SETD2: variants seen among roughly 807,000 people sequenced by gnomAD.
SETD2 encodes histone-lysine N-methyltransferase SETD2.
SETD2 carries 31 observed loss-of-function variants against 242.1 expected under a neutral mutation model. That is an observed-to-expected ratio of 0.13 (90% CI 0.10 to 0.17). The LOEUF is 0.17. Ranked by LOEUF, SETD2 falls within the 10% of genes least tolerant of loss-of-function variation. SETD2 has a pLI of 1.00. For synonymous variants in SETD2, 1,006 were observed against 1,066.5 expected (o/e 0.94, Z 1.11); for missense variants, 2,481 against 3,046.3 (o/e 0.81, Z 4.37).
intron 1 of SETD2, among the ~76,000 whole-genome samples, chr3:47,159,245 C>T (rs2106850696): frequency 6.6e-6 from 1 of 152,294 alleles, no homozygotes; most frequent in South Asian, 2.1e-4. Flanking sequence ...CAGACCTTTC[C>T]CCTGAACTTC....
chr3:47,017,727 T>A lies in SETD2; in HGVS notation c.7444A>T (p.Ile2482Phe), dbSNP rs761150552. 1 of 1,613,256 alleles carries A rather than the reference T, an allele frequency of 6.2e-7. No homozygotes were observed. Among genetic ancestry groups the A allele is most frequent in the South Asian group, 1.1e-5 (1 of 91,078 alleles). The change falls in exon 20 of 21, where the codon ATC (isoleucine) becomes TTC (phenylalanine). Residue 2482 changes from isoleucine (I) to phenylalanine (F), a missense_variant. Coordinates refer to ENST00000409792, the MANE Select transcript of SETD2 (RefSeq NM_014159.7). The surrounding 1 kb of genome is among the most constrained non-coding windows in gnomAD (Gnocchi z 4.8). ...EVFRKEMSQF[I>F]VQCLNPYRKP... ...CGGTAAGGGTTCAGGCACTGGACGA[T>A]GAACTGGGACATCTGCAGGCAGAGA...
chr3:47,124,499 A>ATTGGTTGCT lies in SETD2; in HGVS notation c.136_137insAGCAACCAA (p.Phe46delinsTer), dbSNP rs754023019. Reference sequence around the variant, plus strand: ...AAATCGACTAGAAGCAACACCTTTGAACATTGGTCCTTTGATGAAACCTGT... The same window carrying ATTGGTTGCT: ...AAATCGACTAGAAGCAACACCTTTGATTGGTTGCTACATTGGTCCTTTGATGAAACCTGT... On this transcript the variant is annotated stop_gained, in exon 3 of 21. Coordinates refer to ENST00000409792, the MANE Select transcript of SETD2 (RefSeq NM_014159.7). LOFTEE classifies it high-confidence loss of function. 2 of 1,550,944 alleles carry ATTGGTTGCT rather than the reference A, an allele frequency of 1.3e-6. No homozygotes were observed. Among genetic ancestry groups the ATTGGTTGCT allele is most frequent in the South Asian group, 1.2e-5 (1 of 83,972 alleles).
At position 47,017,702 on chromosome 3, in the gene SETD2, C is replaced by A; in HGVS notation, c.7469G>T (p.Arg2490Leu). The A allele has an allele frequency of 6.2e-7, 1 of 1,613,928 alleles. No individual in the cohort carries two copies. ...QFIVQCLNPYRKPDCKVGRIT... is the reference protein window; with the variant it reads ...QFIVQCLNPYLKPDCKVGRIT... Reference sequence around the variant, plus strand: ...TCTTCCCACTTTGCAGTCAGGTTTCCGGTAAGGGTTCAGGCACTGGACGAT... The same window carrying A: ...TCTTCCCACTTTGCAGTCAGGTTTCAGGTAAGGGTTCAGGCACTGGACGAT... The change falls in exon 20 of 21, where the codon CGG becomes CTG. Residue 2490 changes from arginine to leucine, a missense_variant. Physicochemically the swap from Arg to Leu is moderately radical, Grantham distance 102. Transcript: ENST00000409792. This position sits in a 1 kb window ranked among gnomAD's most constrained non-coding sequence, Gnocchi z 4.8.
intron 3 of SETD2, chr3:47,119,738 C>T: frequency 2.2e-6 from 1 of 450,486 alleles, no homozygotes; most frequent in Non-Finnish European, 4.6e-6. Context: ...TCTTTATCAG[C>T]AGCATGAAAA....
chr3:47,158,073 G>A (rs1306548344), intron 1 of SETD2, among the ~76,000 whole-genome samples: 1 of 152,042 alleles, frequency 6.6e-6, no homozygotes, highest in Admixed American at 6.6e-5. Context: ...AGAGCCCAGG[G>A]ATTTAACTTT....
In SETD2 at chr3:47,049,568, T is replaced by G. The variant is rs527743437; in HGVS notation, c.6964-2947A>C. On this transcript the variant is annotated intron_variant, in intron 15 of 20. Coordinates refer to ENST00000409792, the MANE Select transcript of SETD2 (RefSeq NM_014159.7). ...TTTGTATTTTTAGTAGAGATGGGGTTTCACCTTGTTAGCCAGGATGGCCTC... is the reference window on the plus strand; with the variant it reads ...TTTGTATTTTTAGTAGAGATGGGGTGTCACCTTGTTAGCCAGGATGGCCTC... Among the ~76,000 whole-genome samples the G allele has an allele frequency of 4.7e-3, 695 of 146,802 alleles. 4 individuals are homozygous for G. The highest frequency in any genetic ancestry group is 0.016 in the African/African-American group (660 of 40,624).
At chr3:47,030,670 G>A (rs919501495) in intron 18 of SETD2, among the ~76,000 whole-genome samples, 1 of 151,986 alleles carries the variant, frequency 6.6e-6, no homozygotes, top group Non-Finnish European at 1.5e-5. Context: ...ACATATGGGG[G>A]AAAAAGATAA....
intron 18 of SETD2, among the ~76,000 whole-genome samples, chr3:47,037,171 GCA>G (rs1301094416): frequency 5.5e-5 from 8 of 144,460 alleles, no homozygotes; most frequent in Non-Finnish European, 1.0e-4. Flanking sequence ...GGGTAGATGT[GCA>G]CAACGTGCAG....
chr3:47,116,846 T>G (rs1204728643), intron 3 of SETD2, 92 bp from the exon 4 acceptor site: 3 of 951,938 alleles, frequency 3.2e-6, no homozygotes, highest in Non-Finnish European at 4.6e-6. Context: ...TCTCATTAGA[T>G]TCTTTTGGGT....
At chr3:47,063,089 C>A (rs1386040504) in intron 13 of SETD2, among the ~76,000 whole-genome samples, 4 of 152,158 alleles carry the variant, frequency 2.6e-5, no homozygotes, top group Non-Finnish European at 2.9e-5. Context: ...CCTCACGGAA[C>A]CCACATATAC....
chr3:47,058,581 C>A (rs2040189401), intron 14 of SETD2, among the ~76,000 whole-genome samples: 2 of 149,990 alleles, frequency 1.3e-5, no homozygotes, highest in African/African-American at 4.9e-5. Context: ...ATGGACTACT[C>A]AGCAATTAAA....
chr3:47,071,541 T>C (rs935389482), intron 12 of SETD2, among the ~76,000 whole-genome samples: 3 of 152,340 alleles, frequency 2.0e-5, no homozygotes, highest in Non-Finnish European at 2.9e-5. Context: ...CAAAACATTG[T>C]GTTTCCAGGG....
chr3:47,070,258 C>T (rs2040763750), intron 12 of SETD2, among the ~76,000 whole-genome samples: 1 of 152,114 alleles, frequency 6.6e-6, no homozygotes, highest in Non-Finnish European at 1.5e-5. Flanking sequence ...TTTTGATGTT[C>T]ACAAAATAAT....
At chr3:47,092,856 G>A (rs1444759442) in intron 9 of SETD2, among the ~76,000 whole-genome samples, 2 of 152,148 alleles carry the variant, frequency 1.3e-5, no homozygotes, top group Non-Finnish European at 2.9e-5. Context: ...CATTCCTGTA[G>A]TGCCCCATGT....
chr3:47,040,285 A>C (rs2039220211), intron 17 of SETD2, among the ~76,000 whole-genome samples: 2 of 152,136 alleles, frequency 1.3e-5, no homozygotes, highest in Admixed American at 6.6e-5. Flanking sequence ...AGCCTATAGA[A>C]GCATTTTAAT....
intron 18 of SETD2, among the ~76,000 whole-genome samples, chr3:47,022,193 T>TCACTCACA (rs1553674337): frequency 2.3e-5 from 3 of 130,948 alleles, no homozygotes; most frequent in African/African-American, 5.8e-5. Flanking sequence ...CAACAATCTG[T>TCACTCACA]CACACACACA....
chr3:47,105,646 C>T (rs1034103616), intron 6 of SETD2: 6 of 446,074 alleles, frequency 1.3e-5, no homozygotes, highest in Non-Finnish European at 2.7e-5. Flanking sequence ...AATCAGTCGG[C>T]AGGACACGGT....
At position 47,049,304 on chromosome 3, in the gene SETD2, AATATATATATATATATATATATATATAT is replaced by A. The variant is rs55952850; in HGVS notation, c.6964-2711_6964-2684del. On this transcript the variant is annotated intron_variant, in intron 15 of 20. Coordinates refer to ENST00000409792, the MANE Select transcript of SETD2 (RefSeq NM_014159.7). ...AGTTTTTTATAGAATAAGTTTTCTAAATATATATATATATATATATATATATATATATATATATATATATGTATTCTTA... is the reference window on the plus strand; with the variant it reads ...AGTTTTTTATAGAATAAGTTTTCTAAATATATATATATATATGTATTCTTA... Among the ~76,000 whole-genome samples the A allele has an allele frequency of 4.4e-3, 479 of 108,564 alleles. 8 individuals are homozygous for A. The highest frequency in any genetic ancestry group is 3.9e-3 in the Non-Finnish European group (211 of 54,226). The allele number at this position is 108,564 out of a possible 152,430, so 71.2% of individuals were successfully genotyped here.
intron 19 of SETD2, among the ~76,000 whole-genome samples, chr3:47,018,451 A>G (rs1440073616): frequency 6.6e-6 from 1 of 152,188 alleles, no homozygotes; most frequent in East Asian, 1.9e-4. Context: ...CACTTTGAAC[A>G]AAGTCTACCC....
Sources: gnomAD v4.1 joint callset for allele counts (sites outside exome capture counted in the v4.1 genomes callset) on GRCh38, gnomAD v4.1.1 for gene constraint, Gnocchi (gnomAD v3.1) non-coding constraint, MANE v1.5 for transcripts, NCBI Gene and HGNC (gene_info 2026-07-23, HGNC 2026-07-21) for gene names.